The following PMP22 variants were observed in gnomAD, a reference collection of about 807,000 sequenced individuals.
PMP22 encodes peripheral myelin protein 22.
In PMP22, 2 loss-of-function variants were observed where a neutral mutation model predicts 18.9. The ratio of observed to expected loss-of-function variants is 0.11; its 90% confidence interval spans 0.04 to 0.33. The LOEUF (loss-of-function observed/expected upper bound fraction) is 0.33. Among genes scored for constraint, PMP22 ranks in the 10% least tolerant of loss-of-function variants. The probability of loss-of-function intolerance (pLI) is 1.00; values close to 1 mark genes in which losing one functional copy is unlikely to be tolerated. For synonymous variants in PMP22, 95 were observed against 89.2 expected, an observed-to-expected ratio of 1.07 and a Z score of -0.37; for missense variants, 169 against 202.2, an observed-to-expected ratio of 0.84 and a Z score of 1.00.
intron 4 of PMP22, among the ~76,000 whole-genome samples, chr17:15,234,785 C>T (rs1406111012): frequency 6.9e-6 from 1 of 144,420 alleles, no homozygotes; most frequent in African/African-American, 2.8e-5. Flanking sequence ...TGGCACTGAA[C>T]TTTTATTAAT....
chr17:15,234,362 C>T lies in PMP22; in HGVS notation c.320-3282G>A, dbSNP rs548358257. ...ACTTCAAAGTGTACTTTGGTAACCT[C>T]GCAAAAGCACTTTCATTTGAGAGCC... On this transcript the variant is annotated intron_variant, in intron 4 of 4. Coordinates refer to ENST00000312280, the MANE Select transcript of PMP22 (RefSeq NM_000304.4). Among the ~76,000 whole-genome samples, 4 of 152,268 alleles carry T rather than the reference C, an allele frequency of 2.6e-5. No homozygotes were observed. In the South Asian group the frequency reaches 6.2e-4, roughly 24 times the overall value.
chr17:15,260,833 T>C lies in PMP22; in HGVS notation c.-34-72A>G, dbSNP rs1909268658. On this transcript the variant is annotated intron_variant, in intron 1 of 4. Transcript: ENST00000312280. ...GACGGAGGCGCGCGCAGAGGGAGGG[T>C]CCCGCGCACTAGCGGAAGGCCCGGC... is the stretch of plus-strand genomic sequence containing the variant. 2 of 1,043,094 alleles carry C rather than the reference T, an allele frequency of 1.9e-6. 1 individual carries two copies. 64.6% of individuals were successfully genotyped at this position (1,043,094 alleles called of 1,614,324 possible). A position where few individuals can be genotyped will look rare whatever the true frequency, so the allele number is the denominator to read the frequency against.
intron 1 of PMP22, chr17:15,262,460 G>C (rs1909414154): frequency 6.6e-6 from 1 of 152,270 alleles, no homozygotes; most frequent in South Asian, 2.1e-4. Context: ...CGATCCTCAG[G>C]GTGGCCTCAA....
intron 3 of PMP22, among the ~76,000 whole-genome samples, chr17:15,240,459 A>G (rs1239578818): frequency 2.8e-5 from 4 of 142,702 alleles, no homozygotes; most frequent in Admixed American, 2.2e-4. Context: ...TAGCCTCAGC[A>G]CAGAGCGGTG....
intron 3 of PMP22, among the ~76,000 whole-genome samples, chr17:15,243,775 T>G (rs1029196690): frequency 3.4e-5 from 5 of 147,982 alleles, no homozygotes; most frequent in Non-Finnish European, 7.4e-5. Context: ...GTGCTTATAT[T>G]ATAATTATAT....
At chr17:15,256,212 A>G (rs1466558670) in intron 3 of PMP22, among the ~76,000 whole-genome samples, 3 of 152,244 alleles carry the variant, frequency 2.0e-5, no homozygotes, top group Admixed American at 1.3e-4. Context: ...CTTTCAAACT[A>G]CACAACCTAG....
At chr17:15,262,407 C>G (rs1909410816) in intron 1 of PMP22, 1 of 152,314 alleles carries the variant, frequency 6.6e-6, no homozygotes, top group South Asian at 2.1e-4. Flanking sequence ...ATCTCCTTCA[C>G]TCTCCCCACC....
At chr17:15,255,118 C>T (rs1908714784) in intron 3 of PMP22, among the ~76,000 whole-genome samples, 1 of 152,144 alleles carries the variant, frequency 6.6e-6, no homozygotes. Flanking sequence ...TTGAAGAATG[C>T]TGAAATAACT....
chr17:15,260,427 T>G, intron 2 of PMP22: 1 of 611,220 alleles, frequency 1.6e-6, no homozygotes, highest in Non-Finnish European at 3.0e-6. Context: ...AATAGAGACC[T>G]GCGCAGCTAA....
chr17:15,245,945 G>A (rs1373692735), intron 3 of PMP22, among the ~76,000 whole-genome samples: 24 of 151,836 alleles, frequency 1.6e-4, no homozygotes, highest in Admixed American at 1.4e-3. Context: ...CCCTGGAGGC[G>A]GAGCTTGCAG....
chr17:15,257,031 G>A (rs1908896572), intron 3 of PMP22, among the ~76,000 whole-genome samples: 3 of 152,230 alleles, frequency 2.0e-5, no homozygotes, highest in African/African-American at 4.8e-5. Flanking sequence ...CCCTGATTGT[G>A]AGAGCTGAGA....
intron 3 of PMP22, among the ~76,000 whole-genome samples, chr17:15,244,308 A>G (rs184781890): frequency 1.3e-5 from 2 of 152,266 alleles, no homozygotes; most frequent in African/African-American, 4.8e-5. Flanking sequence ...ACCTGCAGAC[A>G]CCATTCACAG....
intron 4 of PMP22, among the ~76,000 whole-genome samples, chr17:15,238,574 C>T (rs1907006338): frequency 1.3e-5 from 2 of 152,232 alleles, no homozygotes; most frequent in Non-Finnish European, 2.9e-5. Context: ...CTAGCTCTTA[C>T]TTCTCTCCAA....
At chr17:15,250,016 C>A (rs550304235) in intron 3 of PMP22, among the ~76,000 whole-genome samples, 1 of 152,218 alleles carries the variant, frequency 6.6e-6, no homozygotes, top group African/African-American at 2.4e-5. Flanking sequence ...CCCGGGTTCA[C>A]GCCATTCTCC....
chr17:15,235,197 A>T (rs779330487), intron 4 of PMP22: 1 of 717,412 alleles, frequency 1.4e-6, no homozygotes, highest in Non-Finnish European at 2.6e-6. Context: ...AATAACAAAA[A>T]GAGAGAGAAA....
chr17:15,261,075 G>A lies in PMP22; in HGVS notation c.-34-314C>T, dbSNP rs950405289. ...GAACGGAGGGGTTTCCAGAAAATATGAGCAGAGGCCACTGCACGCTTCCAC... is the reference window on the plus strand; with the variant it reads ...GAACGGAGGGGTTTCCAGAAAATATAAGCAGAGGCCACTGCACGCTTCCAC... On this transcript the variant is annotated intron_variant, in intron 1 of 4. Coordinates refer to ENST00000312280, the MANE Select transcript of PMP22 (RefSeq NM_000304.4). The surrounding 1 kb of genome is among the most constrained non-coding windows in gnomAD (Gnocchi z 5.2). The A allele has an allele frequency of 5.7e-6, 1 of 176,346 alleles. No homozygotes were observed. The highest frequency in any genetic ancestry group is 1.2e-5 in the Non-Finnish European group (1 of 86,082). The allele number at this position is 176,346 out of a possible 1,614,324, so 10.9% of individuals were successfully genotyped here. A position where few individuals can be genotyped will look rare whatever the true frequency, so the allele number is the denominator to read the frequency against.
At chr17:15,256,393 AG>A (rs1482027733) in intron 3 of PMP22, among the ~76,000 whole-genome samples, 20 of 152,178 alleles carry the variant, frequency 1.3e-4, no homozygotes, top group Non-Finnish European at 2.6e-4. Context: ...CTCTAATCCC[AG>A]CACTTTGGGA....
chr17:15,236,081 A>T (rs183192632), intron 4 of PMP22, among the ~76,000 whole-genome samples: 2,667 of 149,552 alleles, frequency 0.018, 73 homozygotes, highest in African/African-American at 0.061. Flanking sequence ...TTTTTTTTTT[A>T]AAGGACCTCA....
At chr17:15,237,689 G>C (rs1330515812) in intron 4 of PMP22, among the ~76,000 whole-genome samples, 1 of 152,182 alleles carries the variant, frequency 6.6e-6, no homozygotes, top group Non-Finnish European at 1.5e-5. Context: ...CCTGTCATGA[G>C]CTGGGTGACC....
Sources: allele counts gnomAD v4.1 joint callset (sites outside exome capture counted in the v4.1 genomes callset), GRCh38; gene constraint gnomAD v4.1.1; non-coding constraint Gnocchi (gnomAD v3.1); transcripts MANE v1.5; gene names NCBI Gene and HGNC (gene_info 2026-07-23, HGNC 2026-07-21).